SPOCK1: variants seen among roughly 807,000 people sequenced by gnomAD.
SPOCK1 encodes SPARC (osteonectin), cwcv and kazal like domains proteoglycan 1, also known as testican-1.
SPOCK1 carries 23 observed loss-of-function variants against 55.3 expected under a neutral mutation model. The ratio of observed to expected loss-of-function variants is 0.42; its 90% CI spans 0.30 to 0.59. The LOEUF is 0.59. Ranked by LOEUF, SPOCK1 falls within the 20% of genes least tolerant of loss-of-function variation. SPOCK1 has a pLI of 0.22. For synonymous variants in SPOCK1, 226 were observed against 221.0 expected (o/e 1.02, Z -0.20); for missense variants, 499 against 552.5 (o/e 0.90, Z 0.97).
At chr5:137,497,192 C>T (rs754954521) in intron 2 of SPOCK1, among the ~76,000 whole-genome samples, 3 of 152,230 alleles carry the variant, frequency 2.0e-5, no homozygotes, top group East Asian at 3.8e-4. Flanking sequence ...GATCCCCATA[C>T]ATATCCCACC....
chr5:137,495,008 C>A (rs1754269878), intron 2 of SPOCK1, among the ~76,000 whole-genome samples: 1 of 152,180 alleles, frequency 6.6e-6, no homozygotes, highest in East Asian at 1.9e-4. Flanking sequence ...TTCTTCATCG[C>A]CTCCTTAACA....
chr5:136,998,999 T>C (rs1319654868), intron 6 of SPOCK1, among the ~76,000 whole-genome samples: 1 of 152,186 alleles, frequency 6.6e-6, no homozygotes, highest in African/African-American at 2.4e-5. Context: ...CCATGGAAAG[T>C]ACATAGCCCT....
At chr5:137,024,321 G>GT (rs1554093494) in intron 6 of SPOCK1, among the ~76,000 whole-genome samples, 3 of 146,770 alleles carry the variant, frequency 2.0e-5, no homozygotes, top group Admixed American at 6.7e-5. Flanking sequence ...TGAAGGGGGG[G>GT]GGGTAGTTAC....
intron 2 of SPOCK1, among the ~76,000 whole-genome samples, chr5:137,326,669 A>G (rs1304345655): frequency 6.6e-6 from 1 of 152,238 alleles, no homozygotes; most frequent in African/African-American, 2.4e-5. Flanking sequence ...ATCTTGTAAT[A>G]AATCTCAAAT....
intron 3 of SPOCK1, among the ~76,000 whole-genome samples, chr5:137,256,768 C>T (rs931599884): frequency 2.6e-5 from 4 of 152,226 alleles, no homozygotes; most frequent in Middle Eastern, 3.4e-3. Context: ...CCAAGGGCTA[C>T]GCAGCTGCAC....
In SPOCK1 at chr5:136,977,512, G is replaced by T; in HGVS notation, c.*1142C>A. ...AAGCAAAACATTGAGTTCAGAATTA[G>T]AAATTTTCTTCTTTTAAGGAACACC... On this transcript the variant is annotated 3_prime_UTR_variant, in exon 11 of 11. Transcript: ENST00000394945. 1 of 302,846 alleles carries T rather than the reference G, an allele frequency of 3.3e-6. No homozygotes were observed. The highest frequency in any genetic ancestry group is 6.0e-6 in the Non-Finnish European group (1 of 166,382). 18.8% of individuals were successfully genotyped at this position (302,846 alleles called of 1,614,324 possible).
At chr5:137,383,825 T>C (rs951257560) in intron 2 of SPOCK1, among the ~76,000 whole-genome samples, 12 of 152,186 alleles carry the variant, frequency 7.9e-5, no homozygotes, top group African/African-American at 2.9e-4. Flanking sequence ...TTCCACCTCT[T>C]TTTCCCCCTT....
At chr5:137,365,399 G>A (rs1357986074) in intron 2 of SPOCK1, 1 of 152,202 alleles carries the variant, frequency 6.6e-6, no homozygotes, top group Non-Finnish European at 1.5e-5. Context: ...AGTCAGGTTT[G>A]GGAGGAATTC....
intron 3 of SPOCK1, among the ~76,000 whole-genome samples, chr5:137,239,278 A>G (rs926088205): frequency 2.0e-5 from 3 of 152,206 alleles, no homozygotes. Flanking sequence ...AAGGTGATGC[A>G]CCCCAACTCC....
chr5:137,231,505 T>C (rs572334841), intron 3 of SPOCK1, among the ~76,000 whole-genome samples: 2 of 152,234 alleles, frequency 1.3e-5, no homozygotes, highest in Non-Finnish European at 2.9e-5. Context: ...TTTTGGGGAC[T>C]GACTTTTTTC....
chr5:137,144,639 C>T (rs748474486), intron 3 of SPOCK1, among the ~76,000 whole-genome samples: 1 of 152,156 alleles, frequency 6.6e-6, no homozygotes, highest in Non-Finnish European at 1.5e-5. Context: ...CTCCCAAATA[C>T]GTTTTACCTA....
intron 2 of SPOCK1, among the ~76,000 whole-genome samples, chr5:137,358,959 G>A (rs748336262): frequency 6.6e-6 from 1 of 152,170 alleles, no homozygotes; most frequent in Non-Finnish European, 1.5e-5. Context: ...AAAGCCTGCA[G>A]TATAGAACAG....
chr5:137,421,257 G>A (rs1170876296), intron 2 of SPOCK1, among the ~76,000 whole-genome samples: 1 of 152,204 alleles, frequency 6.6e-6, no homozygotes, highest in African/African-American at 2.4e-5. Flanking sequence ...ATGGTGCTGA[G>A]AAGAATGTAT....
At position 137,384,318 on chromosome 5, in the gene SPOCK1, C is replaced by T. The variant is rs115716140; in HGVS notation, c.186+114055G>A. ...CCCAAAACATTTTGTTAATCAGGTTCCACCATATCTGGAACCCAAACCCTG... is the reference window on the plus strand; with the variant it reads ...CCCAAAACATTTTGTTAATCAGGTTTCACCATATCTGGAACCCAAACCCTG... On this transcript the variant is annotated intron_variant, in intron 2 of 10. Coordinates refer to ENST00000394945, the MANE Select transcript of SPOCK1 (RefSeq NM_004598.4). Among the ~76,000 whole-genome samples the T allele has an allele frequency of 3.8e-3, 578 of 152,254 alleles. 7 individuals are homozygous for T. The highest frequency in any genetic ancestry group is 0.013 in the African/African-American group (543 of 41,544).
chr5:137,247,680 T>G (rs374039807), intron 3 of SPOCK1, among the ~76,000 whole-genome samples: 1 of 152,184 alleles, frequency 6.6e-6, no homozygotes, highest in Admixed American at 6.5e-5. Flanking sequence ...TTTATTTAGC[T>G]CAAGGTTCTA....
At chr5:137,246,602 G>A (rs564240454) in intron 3 of SPOCK1, among the ~76,000 whole-genome samples, 1 of 152,130 alleles carries the variant, frequency 6.6e-6, no homozygotes, top group Admixed American at 6.5e-5. Context: ...TTTGCTATTC[G>A]CTTTGTAATG....
At position 136,978,836 on chromosome 5, in the gene SPOCK1, G is replaced by C; in HGVS notation, c.1138C>G (p.Gln380Glu). ...CTGCCAAAATCCCCTGAGGTTTCCT[G>C]CTCCTCTTCTGAAAGATTAAAAAAA... ...KQGAVSCEEE[Q>E]ETSGDFGSGG... Residue 380 changes from glutamine (Q) to glutamate (E), a missense_variant, in exon 11 of 11, where the codon CAG (glutamine) becomes GAG (glutamate). This residue lies in a region of SPOCK1 where 83 missense variants were observed against 87.5 expected (regional missense o/e 0.95). Coordinates refer to ENST00000394945, the MANE Select transcript of SPOCK1 (RefSeq NM_004598.4). 2 of 1,608,394 alleles carry C rather than the reference G, an allele frequency of 1.2e-6. No homozygotes were observed. The highest frequency in any genetic ancestry group is 8.5e-7 in the Non-Finnish European group (1 of 1,177,884).
intron 5 of SPOCK1, among the ~76,000 whole-genome samples, chr5:137,084,672 G>A (rs1752928218): frequency 6.6e-6 from 1 of 151,828 alleles, no homozygotes; most frequent in African/African-American, 2.4e-5. Context: ...AGCCACAGAG[G>A]AGAAGGTTAA....
At chr5:137,099,931 G>C (rs920890448) in intron 5 of SPOCK1, among the ~76,000 whole-genome samples, 2 of 152,102 alleles carry the variant, frequency 1.3e-5, no homozygotes, top group African/African-American at 4.8e-5. Context: ...TCAGGATTCT[G>C]TCTGGATTTC....
Sources: gnomAD v4.1 joint callset for allele counts (sites outside exome capture counted in the v4.1 genomes callset) on GRCh38, gnomAD v4.1.1 for gene constraint, gnomAD v4.1.1 regional missense constraint, MANE v1.5 for transcripts, NCBI Gene and HGNC (gene_info 2026-07-23, HGNC 2026-07-21) for gene names.